The following NEK11 variants were observed in gnomAD, a reference collection of about 807,000 sequenced individuals.
NEK11 encodes the protein serine/threonine-protein kinase Nek11.
NEK11 carries 72 observed loss-of-function variants against 80.7 expected under a neutral mutation model. The ratio of observed to expected loss-of-function variants is 0.89; its 90% CI spans 0.74 to 1.08. The LOEUF (loss-of-function observed/expected upper bound fraction) is 1.08, where lower values mean the gene tolerates loss of function less well. Ranked by LOEUF, NEK11 falls within the 50% of genes least tolerant of loss-of-function variation. The probability of loss-of-function intolerance (pLI) is 0.00; values close to 1 mark genes in which losing one functional copy is unlikely to be tolerated. For synonymous variants in NEK11, 251 were observed against 260.7 expected (o/e 0.96, Z 0.36); for missense variants, 764 against 763.6 (o/e 1.00, Z -0.01).
intron 7 of NEK11, among the ~76,000 whole-genome samples, chr3:131,142,805 A>G (rs2087240225): frequency 6.6e-6 from 1 of 152,112 alleles, no homozygotes; most frequent in Admixed American, 6.6e-5. Context: ...TTTTTCCTCC[A>G]TTAGCCACAT....
At chr3:131,174,915 A>C (rs1215466126) in intron 14 of NEK11, 1 of 1,449,940 alleles carries the variant, frequency 6.9e-7, no homozygotes, top group Admixed American at 3.0e-5. Context: ...GCTTACCCAC[A>C]TCCTGACCAG....
intron 17 of NEK11, among the ~76,000 whole-genome samples, chr3:131,289,226 G>C (rs1489150650): frequency 1.3e-5 from 2 of 152,062 alleles, no homozygotes; most frequent in African/African-American, 4.8e-5. Context: ...CCACATCCCT[G>C]GTGTCTCTGT....
chr3:131,048,320 C>T (rs35319267), intron 3 of NEK11, among the ~76,000 whole-genome samples: 24,563 of 152,142 alleles, frequency 0.16, 2,094 homozygotes, highest in Non-Finnish European at 0.19. Flanking sequence ...CAGGAAACTG[C>T]GTTTGGTCAA....
chr3:131,255,601 C>T (rs1462181933), intron 16 of NEK11, among the ~76,000 whole-genome samples: 3 of 152,196 alleles, frequency 2.0e-5, no homozygotes, highest in African/African-American at 7.2e-5. Context: ...TGAATATACT[C>T]AGTTGTTTCA....
At chr3:131,244,949 T>G (rs1023125226) in intron 16 of NEK11, among the ~76,000 whole-genome samples, 8 of 152,116 alleles carry the variant, frequency 5.3e-5, no homozygotes, top group Non-Finnish European at 1.2e-4. Flanking sequence ...TGTTATAATT[T>G]CTATAAAGTA....
chr3:131,310,661 C>T (rs1051664062), intron 17 of NEK11, among the ~76,000 whole-genome samples: 3 of 152,134 alleles, frequency 2.0e-5, no homozygotes, highest in African/African-American at 7.2e-5. Flanking sequence ...TTTTGAGTGT[C>T]AGCTGCAGGG....
At chr3:131,217,958 T>C (rs1443715720) in intron 14 of NEK11, among the ~76,000 whole-genome samples, 1 of 152,128 alleles carries the variant, frequency 6.6e-6, no homozygotes, top group Non-Finnish European at 1.5e-5. Context: ...GAGAAAAAAA[T>C]TTAGTCATCT....
At chr3:131,212,139 A>G (rs181916629) in intron 14 of NEK11, among the ~76,000 whole-genome samples, 1 of 152,054 alleles carries the variant, frequency 6.6e-6, no homozygotes, top group Non-Finnish European at 1.5e-5. Flanking sequence ...TGACCTACAG[A>G]TGCGGTTTTG....
At chr3:131,127,180 G>T (rs2083509803) in intron 5 of NEK11, among the ~76,000 whole-genome samples, 1 of 151,762 alleles carries the variant, frequency 6.6e-6, no homozygotes, top group South Asian at 2.1e-4. Flanking sequence ...GGCCATGCTG[G>T]TCTTGAACTC....
At chr3:131,124,116 GA>G (rs1413596827) in intron 5 of NEK11, among the ~76,000 whole-genome samples, 1 of 152,158 alleles carries the variant, frequency 6.6e-6, no homozygotes, top group Non-Finnish European at 1.5e-5. Flanking sequence ...CCAAACTCCA[GA>G]AAAGGTAAAA....
At chr3:131,336,309 C>A (rs147635994) in intron 17 of NEK11, among the ~76,000 whole-genome samples, 108 of 152,166 alleles carry the variant, frequency 7.1e-4, no homozygotes, top group African/African-American at 2.5e-3. Flanking sequence ...TCAGAAATAA[C>A]GCCGCATTTC....
intron 17 of NEK11, among the ~76,000 whole-genome samples, chr3:131,346,901 G>A (rs927769246): frequency 2.6e-5 from 4 of 152,166 alleles, no homozygotes; most frequent in African/African-American, 7.2e-5. Context: ...TAAAAGAAAT[G>A]ATGGCTGAAT....
At chr3:131,157,853 C>A (rs992535389) in intron 10 of NEK11, among the ~76,000 whole-genome samples, 1 of 152,136 alleles carries the variant, frequency 6.6e-6, no homozygotes, top group African/African-American at 2.4e-5. Flanking sequence ...CTGGAGGACA[C>A]CCCTTGACTA....
intron 15 of NEK11, among the ~76,000 whole-genome samples, chr3:131,241,692 GTTT>G (rs954270171): frequency 6.6e-6 from 1 of 151,754 alleles, no homozygotes; most frequent in African/African-American, 2.4e-5. Context: ...ACATTGTACT[GTTT>G]TTTTGTGTAT....
chr3:131,273,767 G>A (rs1275229473), intron 17 of NEK11, among the ~76,000 whole-genome samples, 193 bp downstream of exon 17: 1 of 152,088 alleles, frequency 6.6e-6, no homozygotes, highest in Non-Finnish European at 1.5e-5. Flanking sequence ...GAATAATTAG[G>A]GAAGTTTGGC....
intron 7 of NEK11, among the ~76,000 whole-genome samples, chr3:131,150,893 T>G (rs1404569640): frequency 6.6e-6 from 1 of 152,066 alleles, no homozygotes; most frequent in East Asian, 1.9e-4. Context: ...ATGAAATCTC[T>G]GTTTTTGCTT....
chr3:131,176,548 T>C (rs2093027076), intron 14 of NEK11, among the ~76,000 whole-genome samples: 1 of 152,204 alleles, frequency 6.6e-6, no homozygotes, highest in South Asian at 2.1e-4. Context: ...AATCTAATAC[T>C]GAATGAAGAT....
rs139327751 is a variant in NEK11, at chr3:131,272,846, A to G, written c.1622-632A>G. On this transcript the variant is annotated intron_variant, in intron 16 of 17. Coordinates refer to ENST00000383366, the MANE Select transcript of NEK11 (RefSeq NM_024800.5). ...AATATTTCTTTCCCTCAGTTTCAAC[A>G]TGTTTTATAAGAGCCTTCAGGATGT... is the stretch of plus-strand genomic sequence containing the variant. Among the ~76,000 whole-genome samples, 40 of 152,278 alleles carry G rather than the reference A, an allele frequency of 2.6e-4. No homozygotes were observed. In the East Asian group the frequency reaches 6.2e-3, roughly 24 times the overall value.
chr3:131,047,061 C>T (rs2109881151), intron 3 of NEK11, among the ~76,000 whole-genome samples: 1 of 152,242 alleles, frequency 6.6e-6, no homozygotes, highest in Middle Eastern at 3.4e-3. Context: ...GTTTTTTCTT[C>T]TACTTGTCGA....
Sources: gnomAD v4.1 joint callset for allele counts (sites outside exome capture counted in the v4.1 genomes callset) on GRCh38, gnomAD v4.1.1 for gene constraint, MANE v1.5 for transcripts, NCBI Gene and HGNC (gene_info 2026-07-23, HGNC 2026-07-21) for gene names.